CREB5: variants seen among roughly 807,000 people sequenced by gnomAD.
CREB5 encodes the protein cyclic AMP-responsive element-binding protein 5.
CREB5 carries 19 observed loss-of-function variants against 57.1 expected under a neutral mutation model. The ratio of observed to expected loss-of-function variants is 0.33; its 90% CI spans 0.23 to 0.49. CREB5 has a LOEUF of 0.49. Among genes scored for constraint, CREB5 ranks in the 20% least tolerant of loss-of-function variants. CREB5 has a pLI of 0.99. For synonymous variants in CREB5, 238 were observed against 238.3 expected (o/e 1.00, Z 0.01); for missense variants, 579 against 671.6 (o/e 0.86, Z 1.52).
At chr7:28,335,192 T>G (rs1375263137) in intron 1 of CREB5, among the ~76,000 whole-genome samples, 1 of 152,220 alleles carries the variant, frequency 6.6e-6, no homozygotes, top group Non-Finnish European at 1.5e-5. Context: ...CTTTTGTGGT[T>G]CCATATAAAT....
rs569170910 is a variant in CREB5 at position 28,653,078 on chromosome 7, G to A, written c.465-65675G>A. Among the ~76,000 whole-genome samples, 5 of 152,244 alleles carry A rather than the reference G, an allele frequency of 3.3e-5. No individual in the cohort carries two copies. In the South Asian group the frequency reaches 8.3e-4, roughly 25 times the overall value. ...GTGAGTAACAAGTTGTGTGTGATTCGGCAGAGAGTTGAAGAGATTACCTTG... is the reference window on the plus strand; with the variant it reads ...GTGAGTAACAAGTTGTGTGTGATTCAGCAGAGAGTTGAAGAGATTACCTTG... On this transcript the variant is annotated intron_variant, in intron 5 of 10. Transcript: ENST00000357727.
At chr7:28,539,746 C>T (rs999730559) in intron 4 of CREB5, among the ~76,000 whole-genome samples, 1 of 152,176 alleles carries the variant, frequency 6.6e-6, no homozygotes, top group Non-Finnish European at 1.5e-5. Flanking sequence ...TCCCTGAGGG[C>T]TGAACATATG....
intron 5 of CREB5, among the ~76,000 whole-genome samples, chr7:28,698,322 C>G (rs1801676366): frequency 6.8e-6 from 1 of 147,560 alleles, no homozygotes; most frequent in Middle Eastern, 3.4e-3. Flanking sequence ...TTAATAGTCT[C>G]TCTTCCTCAT....
intron 1 of CREB5, among the ~76,000 whole-genome samples, chr7:28,450,233 G>A (rs1295164811): frequency 1.3e-5 from 2 of 152,118 alleles, no homozygotes; most frequent in African/African-American, 4.8e-5. Context: ...CTGATGCTTT[G>A]TGTTGAACCA....
chr7:28,717,273 G>A (rs149534703), intron 5 of CREB5, among the ~76,000 whole-genome samples: 30 of 151,582 alleles, frequency 2.0e-4, no homozygotes, highest in African/African-American at 6.8e-4. Context: ...TGGCCAGGCT[G>A]GTCTCGAACT....
chr7:28,330,505 A>G (rs1328875859), intron 1 of CREB5, among the ~76,000 whole-genome samples: 2 of 149,746 alleles, frequency 1.3e-5, no homozygotes, highest in Non-Finnish European at 2.9e-5. Context: ...GACTGGAAAT[A>G]TTATTAATGA....
At chr7:28,316,018 A>G (rs1006936896) in intron 1 of CREB5, among the ~76,000 whole-genome samples, 1 of 152,016 alleles carries the variant, frequency 6.6e-6, no homozygotes, top group Non-Finnish European at 1.5e-5. Flanking sequence ...TGTAAAAGAG[A>G]CCTTTTAATC....
intron 5 of CREB5, among the ~76,000 whole-genome samples, chr7:28,641,776 C>T (rs1409257681): frequency 1.3e-5 from 2 of 152,158 alleles, no homozygotes; most frequent in African/African-American, 2.4e-5. Flanking sequence ...GATAAAATAC[C>T]CTAAATCCTC....
intron 1 of CREB5, among the ~76,000 whole-genome samples, chr7:28,378,582 T>C (rs984039814): frequency 6.6e-6 from 1 of 152,252 alleles, no homozygotes; most frequent in African/African-American, 2.4e-5. Flanking sequence ...TTGCCTCTCT[T>C]GGTTTATCTG....
intron 7 of CREB5, among the ~76,000 whole-genome samples, chr7:28,800,239 G>T (rs182198598): frequency 2.0e-5 from 3 of 152,296 alleles, no homozygotes; most frequent in African/African-American, 7.2e-5. Context: ...TAAGGAGAAG[G>T]CTGGACTGAA....
intron 1 of CREB5, among the ~76,000 whole-genome samples, chr7:28,351,629 TC>T (rs755899541): frequency 2.0e-4 from 31 of 152,196 alleles, no homozygotes; most frequent in Non-Finnish European, 4.0e-4. Flanking sequence ...AACATCTGTT[TC>T]CCAGACCTCT....
chr7:28,324,265 T>A, intron 1 of CREB5, among the ~76,000 whole-genome samples: 1 of 152,120 alleles, frequency 6.6e-6, no homozygotes, highest in East Asian at 1.9e-4. Context: ...TCTGTGCCCC[T>A]TCAGAGCAAA....
chr7:28,595,881 C>A lies in CREB5; in HGVS notation c.464+25344C>A, dbSNP rs960180217. ...TTTTCATGCTACCCCAGTTGAAGTT[C>A]TCTGGTATCTTAACCTCGGCAGACA... On this transcript the variant is annotated intron_variant, in intron 5 of 10. Transcript: ENST00000357727. Among the ~76,000 whole-genome samples, 9 of 152,208 alleles carry A rather than the reference C, an allele frequency of 5.9e-5. No homozygotes were observed. In the East Asian group the frequency reaches 1.7e-3, roughly 29 times the overall value.
intron 1 of CREB5, among the ~76,000 whole-genome samples, chr7:28,484,920 C>T (rs1295705472): frequency 1.3e-5 from 2 of 152,176 alleles, no homozygotes; most frequent in African/African-American, 2.4e-5. Flanking sequence ...CCGAGCCTTT[C>T]GTTGTCTTCA....
intron 1 of CREB5, among the ~76,000 whole-genome samples, chr7:28,466,003 G>C (rs1402539291): frequency 6.6e-6 from 1 of 152,048 alleles, no homozygotes; most frequent in Non-Finnish European, 1.5e-5. Context: ...CACTGGGGCA[G>C]AAACAGTCAA....
chr7:28,748,635 A>G (rs189018621), intron 7 of CREB5, among the ~76,000 whole-genome samples: 13 of 152,326 alleles, frequency 8.5e-5, no homozygotes, highest in Middle Eastern at 3.4e-3. Context: ...TATCTGTGGA[A>G]CAAGTGAAGC....
At chr7:28,521,254 C>T (rs560313959) in intron 4 of CREB5, among the ~76,000 whole-genome samples, 9 of 152,140 alleles carry the variant, frequency 5.9e-5, no homozygotes, top group East Asian at 1.9e-4. Context: ...ATTAGAGTTT[C>T]GGAAGGCCGT....
At chr7:28,354,202 G>A (rs978192284) in intron 1 of CREB5, among the ~76,000 whole-genome samples, 12 of 152,190 alleles carry the variant, frequency 7.9e-5, no homozygotes, top group African/African-American at 2.9e-4. Context: ...TGGATTGAAG[G>A]ATGCAAAGTA....
At chr7:28,560,987 T>TGC (rs1212595303) in intron 4 of CREB5, among the ~76,000 whole-genome samples, 3,420 of 64,200 alleles carry the variant, frequency 0.053, 558 homozygotes, top group South Asian at 0.077. Context: ...TGTGCGTGCG[T>TGC]GTGTGTGCCT....
Sources: allele counts gnomAD v4.1 joint callset (sites outside exome capture counted in the v4.1 genomes callset), GRCh38; gene constraint gnomAD v4.1.1; transcripts MANE v1.5; gene names NCBI Gene and HGNC (gene_info 2026-07-23, HGNC 2026-07-21).